The following NCKAP5 variants were observed in gnomAD, a reference collection of about 807,000 sequenced individuals.
The protein encoded by NCKAP5 is nck-associated protein 5.
Under a neutral mutation model 167.0 loss-of-function variants are expected in NCKAP5, and 92 were observed. The observed-to-expected ratio is 0.55, with a 90% CI of 0.47 to 0.66. NCKAP5 has a LOEUF of 0.66. Ranked by LOEUF, NCKAP5 falls within the 30% of genes least tolerant of loss-of-function variation. The pLI, the probability that NCKAP5 is intolerant of heterozygous loss-of-function variation, is 0.00. For missense variants in NCKAP5, 2,378 were observed against 2,315.0 expected (o/e 1.03, Z -0.56); for synonymous variants, 891 against 877.4 (o/e 1.02, Z -0.27).
At chr2:133,245,794 A>G (rs567274650) in intron 4 of NCKAP5, among the ~76,000 whole-genome samples, 1 of 151,720 alleles carries the variant, frequency 6.6e-6, no homozygotes, top group Admixed American at 6.6e-5. Context: ...TGTGGCCAAT[A>G]TTTTAGGAGT....
At chr2:133,423,726 C>T (rs546274389) in intron 3 of NCKAP5, among the ~76,000 whole-genome samples, 10 of 152,182 alleles carry the variant, frequency 6.6e-5, no homozygotes, top group African/African-American at 2.2e-4. Flanking sequence ...TTATGCATGT[C>T]GTGACTGGTG....
At chr2:133,578,749 G>A in the NCKAP5 span, among the ~76,000 whole-genome samples, 6 of 152,130 alleles carry the variant, frequency 3.9e-5, no homozygotes, top group South Asian at 2.1e-4. Context: ...CAATCAATAC[G>A]CAGTCTCATT....
chr2:133,179,121 C>T (rs948232585), intron 5 of NCKAP5, among the ~76,000 whole-genome samples: 1 of 152,000 alleles, frequency 6.6e-6, no homozygotes, highest in Non-Finnish European at 1.5e-5. Flanking sequence ...CCACACAGAC[C>T]CTGTCTTTAA....
At chr2:133,451,125 T>C (rs1399055470) in intron 3 of NCKAP5, among the ~76,000 whole-genome samples, 1 of 152,122 alleles carries the variant, frequency 6.6e-6, no homozygotes, top group Non-Finnish European at 1.5e-5. Context: ...AATTGTTTTG[T>C]ACATAGACAC....
intron 3 of NCKAP5, among the ~76,000 whole-genome samples, chr2:133,326,319 T>C (rs6727951): frequency 0.041 from 6,288 of 151,952 alleles, 431 homozygotes; most frequent in African/African-American, 0.14. Context: ...CTGGGCATGG[T>C]GGCACATGCT....
At chr2:132,963,951 T>C in intron 7 of NCKAP5, 82 bp from the exon 8 acceptor site, 1 of 1,474,134 alleles carries the variant, frequency 6.8e-7, no homozygotes, top group Non-Finnish European at 9.4e-7. Flanking sequence ...GCTGGAATCA[T>C]TCTCCTGCGT....
chr2:132,751,275 T>G (rs1391011779), intron 16 of NCKAP5, among the ~76,000 whole-genome samples: 1 of 152,056 alleles, frequency 6.6e-6, no homozygotes, highest in African/African-American at 2.4e-5. Flanking sequence ...CCTCTTCCTC[T>G]CTTCTTTCTT....
At chr2:132,710,571 T>A (rs1688744240) in intron 19 of NCKAP5, among the ~76,000 whole-genome samples, 1 of 152,170 alleles carries the variant, frequency 6.6e-6, no homozygotes, top group Admixed American at 6.5e-5. Context: ...CATAGCACAT[T>A]TGAGCAGTCA....
At chr2:133,585,215 G>A in the NCKAP5 span, among the ~76,000 whole-genome samples, 1 of 152,226 alleles carries the variant, frequency 6.6e-6, no homozygotes, top group Non-Finnish European at 1.5e-5. Flanking sequence ...CATGTTTAAT[G>A]CAGTTTTAAA....
intron 4 of NCKAP5, among the ~76,000 whole-genome samples, chr2:133,246,195 G>A (rs192937266): frequency 2.0e-5 from 3 of 152,078 alleles, no homozygotes; most frequent in Admixed American, 6.5e-5. Context: ...AGCTTTCCTG[G>A]TGAGGTAGGT....
At chr2:133,416,330 G>A (rs1046817285) in intron 3 of NCKAP5, among the ~76,000 whole-genome samples, 1 of 152,126 alleles carries the variant, frequency 6.6e-6, no homozygotes, top group African/African-American at 2.4e-5. Flanking sequence ...TTTCCCACAT[G>A]GGCTTAATAG....
At chr2:133,438,380 G>A (rs1418282128) in intron 3 of NCKAP5, among the ~76,000 whole-genome samples, 2 of 152,178 alleles carry the variant, frequency 1.3e-5, no homozygotes, top group South Asian at 2.1e-4. Context: ...AAACAACATG[G>A]AAAGCTTTGC....
chr2:133,244,686 T>A (rs11903510), intron 4 of NCKAP5, among the ~76,000 whole-genome samples: 8,622 of 152,194 alleles, frequency 0.057, 746 homozygotes, highest in African/African-American at 0.2. Flanking sequence ...TGTCACTTGA[T>A]ATACAACAAG....
At chr2:133,177,396 T>A (rs1414946695) in intron 5 of NCKAP5, among the ~76,000 whole-genome samples, 2 of 151,970 alleles carry the variant, frequency 1.3e-5, no homozygotes, top group Non-Finnish European at 2.9e-5. Context: ...TGAAGATGAA[T>A]GTGGGGGTGT....
chr2:132,880,372 G>A (rs747124511), intron 8 of NCKAP5, among the ~76,000 whole-genome samples: 5 of 152,194 alleles, frequency 3.3e-5, no homozygotes, highest in Non-Finnish European at 7.3e-5. Context: ...GCTCACTTCT[G>A]TAATCCCAGC....
At chr2:132,674,575 C>G (rs1357598451) in intron 19 of NCKAP5, among the ~76,000 whole-genome samples, 1 of 152,192 alleles carries the variant, frequency 6.6e-6, no homozygotes, top group Non-Finnish European at 1.5e-5. Context: ...TCCCCACCCC[C>G]AACATTGTTA....
chr2:132,952,849 C>T (rs2076229966), intron 8 of NCKAP5, among the ~76,000 whole-genome samples: 1 of 152,174 alleles, frequency 6.6e-6, no homozygotes, highest in Non-Finnish European at 1.5e-5. Context: ...CTCTCCATAG[C>T]TCAGGATGGT....
In NCKAP5 at chr2:133,559,013, TTAATAGTATTATTAATAAC is replaced by T; in HGVS notation, c.-62+18_-62+36del. ...ATGAGAACAGTATTATTAATATGTA[TTAATAGTATTATTAATAAC>T]GTATTAATACTACTTACATGTATTG... On this transcript the variant is annotated intron_variant, in intron 2 of 19. Transcript: ENST00000409261. 6.6e-6 allele frequency: 1 copy of T among 152,080 alleles called. No individual in the cohort carries two copies. The highest frequency in any genetic ancestry group is 2.4e-5 in the African/African-American group (1 of 41,428). The allele number at this position is 152,080 out of a possible 1,614,324, so 9.4% of individuals were successfully genotyped here.
chr2:133,614,274 G>A, the NCKAP5 span, among the ~76,000 whole-genome samples: 1 of 151,960 alleles, frequency 6.6e-6, no homozygotes, highest in African/African-American at 2.4e-5. Context: ...GTGGGGCACT[G>A]TGGGAGTGAG....
Sources: allele counts gnomAD v4.1 joint callset (sites outside exome capture counted in the v4.1 genomes callset), GRCh38; gene constraint gnomAD v4.1.1; transcripts MANE v1.5; gene names NCBI Gene and HGNC (gene_info 2026-07-23, HGNC 2026-07-21).